EYS: variants seen among roughly 807,000 people sequenced by gnomAD.
EYS encodes EGF-like photoreceptor maintenance factor, also known as protein eyes shut homolog.
In EYS, 250 loss-of-function variants were observed where a neutral mutation model predicts 282.1. The ratio of observed to expected loss-of-function variants is 0.89; its 90% CI spans 0.80 to 0.98. The LOEUF is 0.98. Ranked by LOEUF, EYS falls within the 50% of genes least tolerant of loss-of-function variation. EYS has a pLI of 0.00. For synonymous variants in EYS, 1,355 were observed against 1,282.9 expected (o/e 1.06, Z -1.20); for missense variants, 4,016 against 3,709.0 (o/e 1.08, Z -2.15).
At chr6:64,821,426 C>G (rs1552968) in intron 21 of EYS, among the ~76,000 whole-genome samples, 67,007 of 151,268 alleles carry the variant, frequency 0.44, 15,596 homozygotes, top group East Asian at 0.81. Context: ...GTGGAATTTT[C>G]TAACAACAAG....
At chr6:64,691,186 T>G (rs1358638144) in intron 22 of EYS, among the ~76,000 whole-genome samples, 4 of 152,126 alleles carry the variant, frequency 2.6e-5, no homozygotes, top group African/African-American at 7.2e-5. Flanking sequence ...AAAGTACGCA[T>G]GTAACATTAG....
intron 26 of EYS, among the ~76,000 whole-genome samples, chr6:64,546,120 T>A (rs963254196): frequency 1.3e-5 from 2 of 152,138 alleles, no homozygotes; most frequent in African/African-American, 4.8e-5. Context: ...GACTTCAAAC[T>A]ATACTACAAG....
chr6:65,510,262 C>T (rs553242388), intron 2 of EYS, among the ~76,000 whole-genome samples: 6 of 145,156 alleles, frequency 4.1e-5, no homozygotes, highest in South Asian at 2.2e-4. Context: ...ATGGGAATTG[C>T]GGTGTTTGGT....
intron 26 of EYS, among the ~76,000 whole-genome samples, chr6:64,465,969 A>G (rs1472968820): frequency 1.3e-5 from 2 of 152,122 alleles, no homozygotes; most frequent in Non-Finnish European, 2.9e-5. Context: ...TTCTTAAAAG[A>G]AGACAAATGG....
At chr6:65,615,132 A>T (rs1383507587) in intron 2 of EYS, among the ~76,000 whole-genome samples, 1 of 152,190 alleles carries the variant, frequency 6.6e-6, no homozygotes, top group African/African-American at 2.4e-5. Context: ...CAAGTAGGTT[A>T]ATTGAATTCG....
intron 26 of EYS, among the ~76,000 whole-genome samples, chr6:64,519,579 T>TA (rs1284903350): frequency 1.3e-5 from 2 of 151,810 alleles, no homozygotes; most frequent in East Asian, 1.9e-4. Context: ...CAATTATCTT[T>TA]AAAAAACAGA....
chr6:63,880,453 ATC>A (rs1247519718), intron 35 of EYS, among the ~76,000 whole-genome samples: 2 of 148,956 alleles, frequency 1.3e-5, no homozygotes, highest in East Asian at 3.9e-4. Context: ...TTCCCATTAT[ATC>A]TCTGTCTATC....
chr6:64,231,920 CATA>C (rs1286173576), intron 30 of EYS, among the ~76,000 whole-genome samples: 1 of 152,028 alleles, frequency 6.6e-6, no homozygotes, highest in Non-Finnish European at 1.5e-5. Context: ...AACAATTAAA[CATA>C]ATAAATTTTT....
chr6:65,418,021 C>T (rs1041003737), intron 5 of EYS, among the ~76,000 whole-genome samples: 5 of 151,852 alleles, frequency 3.3e-5, no homozygotes, highest in African/African-American at 1.2e-4. Context: ...AAAGAGGGCT[C>T]CCAGAGCACT....
intron 22 of EYS, among the ~76,000 whole-genome samples, chr6:64,751,440 G>T (rs957404945): frequency 2.0e-5 from 3 of 152,166 alleles, no homozygotes; most frequent in Admixed American, 6.5e-5. Flanking sequence ...GGTGTTGAAT[G>T]GCTGCCCCCG....
intron 2 of EYS, among the ~76,000 whole-genome samples, chr6:65,517,394 T>C (rs1383947325): frequency 1.3e-5 from 2 of 151,288 alleles, no homozygotes; most frequent in Non-Finnish European, 3.0e-5. Context: ...ATAACTAAAA[T>C]CAATCTTCTT....
intron 35 of EYS, among the ~76,000 whole-genome samples, chr6:63,931,993 T>C (rs1282010412): frequency 6.6e-6 from 1 of 151,936 alleles, no homozygotes; most frequent in Non-Finnish European, 1.5e-5. Flanking sequence ...GCTCATATTT[T>C]TGTAGTTTCC....
At chr6:64,394,599 T>A (rs1773290481) in intron 28 of EYS, among the ~76,000 whole-genome samples, 1 of 151,888 alleles carries the variant, frequency 6.6e-6, no homozygotes, top group African/African-American at 2.4e-5. Context: ...TGAAACTGGA[T>A]CCCTTCCTTA....
chr6:64,454,303 T>G (rs114251327), intron 26 of EYS, among the ~76,000 whole-genome samples: 1 of 152,142 alleles, frequency 6.6e-6, no homozygotes, highest in Non-Finnish European at 1.5e-5. Context: ...AGATTTTGTA[T>G]AGCATAGGTC....
At chr6:64,393,405 C>T (rs1773234211) in intron 28 of EYS, among the ~76,000 whole-genome samples, 1 of 152,120 alleles carries the variant, frequency 6.6e-6, no homozygotes, top group African/African-American at 2.4e-5. Flanking sequence ...AAAACGAATC[C>T]AGCAACACAT....
intron 28 of EYS, among the ~76,000 whole-genome samples, chr6:64,426,540 C>CT (rs377205116): frequency 6.2e-4 from 94 of 150,824 alleles, no homozygotes; most frequent in African/African-American, 1.8e-3. Flanking sequence ...ATTTTAAAGC[C>CT]TTTTTTTTTC....
At chr6:65,335,744 C>A (rs1463546773) in intron 10 of EYS, among the ~76,000 whole-genome samples, 1 of 151,672 alleles carries the variant, frequency 6.6e-6, no homozygotes, top group Non-Finnish European at 1.5e-5. Context: ...TGAACACAGA[C>A]CTTATGAGGC....
At chr6:64,912,839 G>A in intron 15 of EYS, 96 bp from the exon 16 acceptor site, 1 of 680,864 alleles carries the variant, frequency 1.5e-6, no homozygotes, top group Non-Finnish European at 2.1e-6. Flanking sequence ...AGTATGTGGT[G>A]CTTTTAAATT....
chr6:65,640,188 T>C (rs1276927208), intron 1 of EYS, among the ~76,000 whole-genome samples: 1 of 152,224 alleles, frequency 6.6e-6, no homozygotes, highest in Non-Finnish European at 1.5e-5. Flanking sequence ...ACATTATTTA[T>C]AGAATAATGC....
Sources: allele counts gnomAD v4.1 joint callset (sites outside exome capture counted in the v4.1 genomes callset), GRCh38; gene constraint gnomAD v4.1.1; transcripts MANE v1.5; gene names NCBI Gene and HGNC (gene_info 2026-07-23, HGNC 2026-07-21).